MYO18B: variants seen among roughly 807,000 people sequenced by gnomAD.
MYO18B encodes unconventional myosin-XVIIIb.
MYO18B carries 204 observed loss-of-function variants against 273.0 expected under a neutral mutation model. The observed-to-expected ratio is 0.75, with a 90% CI of 0.67 to 0.84. MYO18B has a LOEUF of 0.84. Ranked by LOEUF, MYO18B falls within the 40% of genes least tolerant of loss-of-function variation. The probability of loss-of-function intolerance (pLI) is 0.00; values close to 1 mark genes in which losing one functional copy is unlikely to be tolerated. For synonymous variants in MYO18B, 1,330 were observed against 1,305.7 expected (o/e 1.02, Z -0.40); for missense variants, 3,212 against 3,287.6 (o/e 0.98, Z 0.56).
chr22:25,753,328 T>C (rs1361772092), intron 1 of MYO18B, among the ~76,000 whole-genome samples: 1 of 152,192 alleles, frequency 6.6e-6, no homozygotes, highest in African/African-American at 2.4e-5. Flanking sequence ...ACTCTGTGTC[T>C]AGCTAAGGAT....
intron 8 of MYO18B, among the ~76,000 whole-genome samples, chr22:25,778,137 T>A (rs1352938635): frequency 6.6e-6 from 1 of 152,152 alleles, no homozygotes; most frequent in Non-Finnish European, 1.5e-5. Flanking sequence ...ATGTGGTGTC[T>A]TTGGGCAGTG....
intron 41 of MYO18B, among the ~76,000 whole-genome samples, chr22:26,004,467 G>T (rs981658082): frequency 7.9e-5 from 12 of 152,262 alleles, no homozygotes; most frequent in African/African-American, 2.4e-4. Flanking sequence ...AAAGGAACAG[G>T]GTTTGCATCC....
the MYO18B span, among the ~76,000 whole-genome samples, chr22:26,043,675 T>C: frequency 6.6e-6 from 1 of 151,936 alleles, no homozygotes; most frequent in East Asian, 1.9e-4. Context: ...CACGTCCGGC[T>C]AATTTTTTTT....
intron 40 of MYO18B, among the ~76,000 whole-genome samples, chr22:25,998,163 G>T (rs750360249): frequency 4.6e-5 from 7 of 152,180 alleles, no homozygotes; most frequent in Non-Finnish European, 1.0e-4. Flanking sequence ...GCATTTAAAC[G>T]TGTGCTCTCC....
At chr22:25,876,165 A>C (rs778317873) in intron 23 of MYO18B, 24 bp from the exon 24 acceptor site, 1 of 1,603,172 alleles carries the variant, frequency 6.2e-7, no homozygotes, top group Non-Finnish European at 8.5e-7. Context: ...AGGACCCTCC[A>C]GTCTGTGTTC....
At chr22:25,808,914 G>T (rs2088607464) in intron 12 of MYO18B, among the ~76,000 whole-genome samples, 1 of 152,138 alleles carries the variant, frequency 6.6e-6, no homozygotes, top group Non-Finnish European at 1.5e-5. Context: ...GCCCAGGAGA[G>T]TTTTCCCCAG....
chr22:26,021,781 G>A (rs1053699355), intron 42 of MYO18B, among the ~76,000 whole-genome samples: 5 of 152,202 alleles, frequency 3.3e-5, no homozygotes, highest in African/African-American at 1.2e-4. Context: ...CTCTGTGCCT[G>A]GAGGTCATAA....
chr22:25,954,084 G>T (rs1444405998), intron 38 of MYO18B, among the ~76,000 whole-genome samples: 1 of 152,178 alleles, frequency 6.6e-6, no homozygotes, highest in Non-Finnish European at 1.5e-5. Context: ...ATTCATGTGG[G>T]TCCCGTCTTA....
At chr22:25,827,461 T>G (rs1180480947) in intron 14 of MYO18B, among the ~76,000 whole-genome samples, 5 of 152,340 alleles carry the variant, frequency 3.3e-5, no homozygotes, top group Admixed American at 2.6e-4. Flanking sequence ...TTACGCACAA[T>G]GCACTGAGCC....
rs1262209087 is a variant in MYO18B at position 25,808,868 on chromosome 22, T to C, written c.2521+10771T>C. ...ATTTAAAGCTGTGTCATTGCTATCA[T>C]TGGCATTATTGTTATTAACGAAAAA... is the stretch of plus-strand genomic sequence containing the variant. On this transcript the variant is annotated intron_variant, in intron 12 of 43. Coordinates refer to ENST00000335473, the MANE Select transcript of MYO18B (RefSeq NM_032608.7). Among the ~76,000 whole-genome samples the C allele has an allele frequency of 5.3e-5, 8 of 152,264 alleles. No individual in the cohort carries two copies. In the East Asian group the frequency reaches 1.4e-3, roughly 26 times the overall value.
intron 17 of MYO18B, among the ~76,000 whole-genome samples, chr22:25,842,850 G>A (rs752419432): frequency 5.3e-5 from 8 of 152,110 alleles, no homozygotes; most frequent in Admixed American, 1.3e-4. Context: ...GACTCTGCAT[G>A]TGCCAAGCAT....
intron 39 of MYO18B, among the ~76,000 whole-genome samples, chr22:25,991,923 C>T (rs2093274628): frequency 7.3e-6 from 1 of 136,420 alleles, no homozygotes; most frequent in South Asian, 2.3e-4. Context: ...TTGAAACTAT[C>T]TTTGTTATGT....
chr22:26,043,658 G>C, the MYO18B span, among the ~76,000 whole-genome samples: 1 of 151,646 alleles, frequency 6.6e-6, no homozygotes, highest in Non-Finnish European at 1.5e-5. Flanking sequence ...TTACAGGCGT[G>C]CGCCACCACG....
intron 35 of MYO18B, among the ~76,000 whole-genome samples, 169 bp from the exon 36 acceptor site, chr22:25,947,543 C>CACACACACAA (rs60582589): frequency 6.9e-6 from 1 of 144,808 alleles, no homozygotes; most frequent in Non-Finnish European, 1.5e-5. Context: ...CACACACACA[C>CACACACACAA]CAAGCTGTTA....
rs149852579 is a variant in MYO18B at position 25,926,433 on chromosome 22, C to T, written c.5517+5024C>T. On this transcript the variant is annotated intron_variant, in intron 34 of 43. Transcript: ENST00000335473. ...CCGAGTAGCTGGGATCACAGGCATC[C>T]GCCACCATGCCCTGCTAATTTTTGT... 1.8e-3 allele frequency among the ~76,000 whole-genome samples: 278 copies of T among 151,902 alleles called. 2 individuals are homozygous for T. Among genetic ancestry groups the T allele is most frequent in the African/African-American group, 6.4e-3 (266 of 41,414 alleles).
chr22:25,904,014 C>G (rs537091472), intron 31 of MYO18B, among the ~76,000 whole-genome samples, 183 bp downstream of exon 31: 1 of 152,342 alleles, frequency 6.6e-6, no homozygotes, highest in African/African-American at 2.4e-5. Context: ...CAGCTCTCCC[C>G]TGCAAGGTTC....
At chr22:25,778,117 C>T (rs1012242460) in intron 8 of MYO18B, among the ~76,000 whole-genome samples, 17 of 152,142 alleles carry the variant, frequency 1.1e-4, no homozygotes, top group Non-Finnish European at 1.8e-4. Context: ...GTGAATGATG[C>T]ACCCCTGGGA....
intron 39 of MYO18B, among the ~76,000 whole-genome samples, chr22:25,984,741 G>A (rs946463425): frequency 1.3e-5 from 2 of 151,892 alleles, no homozygotes; most frequent in African/African-American, 4.8e-5. Context: ...AGGTTACAGT[G>A]AGCTGTGATT....
At chr22:26,058,239 A>G in the MYO18B span, among the ~76,000 whole-genome samples, 5 of 152,208 alleles carry the variant, frequency 3.3e-5, no homozygotes, top group Non-Finnish European at 7.3e-5. Context: ...AATATCATGA[A>G]TTGATATTGA....
Sources: allele counts gnomAD v4.1 joint callset (sites outside exome capture counted in the v4.1 genomes callset), GRCh38; gene constraint gnomAD v4.1.1; transcripts MANE v1.5; gene names NCBI Gene and HGNC (gene_info 2026-07-23, HGNC 2026-07-21).